The following ST3GAL4 variants were observed in gnomAD, a reference collection of about 807,000 sequenced individuals.
The protein encoded by ST3GAL4 is ST3 beta-galactoside alpha-2,3-sialyltransferase 4, also known as CMP-N-acetylneuraminate-beta-galactosamide-alpha-2,3-sialyltransferase 4.
Under a neutral mutation model 42.6 loss-of-function variants are expected in ST3GAL4, and 24 were observed. That is an observed-to-expected ratio of 0.56 (90% CI 0.41 to 0.79). The LOEUF is 0.79. ST3GAL4 is among the 30% of genes least tolerant of loss of function. ST3GAL4 has a pLI of 0.00. For missense variants in ST3GAL4, 311 were observed against 430.8 expected, an observed-to-expected ratio of 0.72 and a Z score of 2.46; for synonymous variants, 135 against 163.2, an observed-to-expected ratio of 0.83 and a Z score of 1.32.
rs2135436869 is a variant in ST3GAL4 at position 126,379,899 on chromosome 11, G to A, written c.-61+24057G>A. ...CTGACATTTTGCTACGGTGAGAATA[G>A]TAACTGAAACTGGTGTAGTGTCTTT... On this transcript the variant is annotated intron_variant, in intron 1 of 10. Transcript: ENST00000444328. The surrounding 1 kb of genome is among the most constrained non-coding windows in gnomAD (Gnocchi z 4.2). 6.6e-6 allele frequency among the ~76,000 whole-genome samples: 1 copy of A among 152,308 alleles called. No homozygotes were observed. Among genetic ancestry groups the A allele is most frequent in the Admixed American group, 6.5e-5 (1 of 15,296 alleles).
intron 1 of ST3GAL4, among the ~76,000 whole-genome samples, chr11:126,402,492 C>T (rs1954050655): frequency 6.6e-6 from 1 of 150,670 alleles, no homozygotes; most frequent in Non-Finnish European, 1.5e-5. Context: ...GAACTGAGGA[C>T]AGTAAGAGTA....
Position 126,373,816 on chromosome 11 carries a change from C to T in ST3GAL4, c.-61+17974C>T, listed in dbSNP as rs200464524. On this transcript the variant is annotated intron_variant, in intron 1 of 10. Transcript: ENST00000444328. The surrounding 1 kb of genome is among the most constrained non-coding windows in gnomAD (Gnocchi z 5.5). The stretch of plus-strand genomic sequence containing the variant: ...CTGCCAACTCTAATGAGCCAGGAAG[C>T]CTCCCCGTGCCCAGGCGTGCTGTGA... Among the ~76,000 whole-genome samples, 1 of 151,998 alleles carries T rather than the reference C, an allele frequency of 6.6e-6. No individual in the cohort carries two copies. Among genetic ancestry groups the T allele is most frequent in the East Asian group, 1.9e-4 (1 of 5,144 alleles).
intron 1 of ST3GAL4, among the ~76,000 whole-genome samples, chr11:126,357,849 A>G (rs376752523): frequency 2.0e-5 from 3 of 152,234 alleles, no homozygotes; most frequent in East Asian, 1.9e-4. Context: ...GGTTGTCCCA[A>G]TGGAATTGGG....
At position 126,411,512 on chromosome 11, in the gene ST3GAL4, A is replaced by G. The variant is rs1226832433; in HGVS notation, c.772-1993A>G. 6.6e-6 allele frequency among the ~76,000 whole-genome samples: 1 copy of G among 152,110 alleles called. No homozygotes were observed. Among genetic ancestry groups the G allele is most frequent in the Non-Finnish European group, 1.5e-5 (1 of 68,012 alleles). ...TAAAACAATACCCATGTACTGGCTC[A>G]TGGTCCTGTAGATCAGAACAGCAGG... is the stretch of plus-strand genomic sequence containing the variant. On this transcript the variant is annotated intron_variant, in intron 9 of 10. Coordinates refer to ENST00000444328, the MANE Select transcript of ST3GAL4 (RefSeq NM_001254757.2). The surrounding 1 kb of genome is among the most constrained non-coding windows in gnomAD (Gnocchi z 6.3).
chr11:126,395,436 G>A (rs1275192054), intron 1 of ST3GAL4, among the ~76,000 whole-genome samples: 1 of 152,168 alleles, frequency 6.6e-6, no homozygotes, highest in East Asian at 1.9e-4. Context: ...GACTGAGTGA[G>A]CATAAATCGC....
In ST3GAL4 at chr11:126,408,334, T is replaced by G; in HGVS notation, c.465T>G (p.Tyr155Ter). The change falls in exon 8 of 11, where the codon TAT becomes TAG. Residue 155 changes from tyrosine (Y) to a stop codon, truncating the protein, a stop_gained. Transcript: ENST00000444328. LOFTEE classifies it high-confidence loss of function. ...IRLNNAPVAG[Y>*]EGDVGSKTTM... ...TGAACAATGCCCCAGTGGCTGGCTA[T>G]GAGGGTGACGTGGGCTCCAAGACCA... The G allele has an allele frequency of 6.2e-7, 1 of 1,614,182 alleles. No homozygotes were observed. Among genetic ancestry groups the G allele is most frequent in the Non-Finnish European group, 8.5e-7 (1 of 1,180,026 alleles).
intron 1 of ST3GAL4, among the ~76,000 whole-genome samples, chr11:126,402,498 G>A (rs1298153785): frequency 6.6e-6 from 1 of 150,970 alleles, no homozygotes; most frequent in Non-Finnish European, 1.5e-5. Flanking sequence ...AGGACAGTAA[G>A]AGTAAGTGGT....
In ST3GAL4 at chr11:126,397,340, A is replaced by G. The variant is rs1009049394; in HGVS notation, c.-60-8756A>G. Among the ~76,000 whole-genome samples the G allele has an allele frequency of 8.5e-5, 13 of 152,136 alleles. No homozygotes were observed. The highest frequency in any genetic ancestry group is 2.7e-4 in the African/African-American group (11 of 41,368). On this transcript the variant is annotated intron_variant, in intron 1 of 10. Transcript: ENST00000444328. This position sits in a 1 kb window ranked among gnomAD's most constrained non-coding sequence, Gnocchi z 5.0. Reference sequence around the variant, plus strand: ...TACATTGTACCATAAAGCATATTCTATAGTACACTTAACTCTGGTGGGCTC... The same window carrying G: ...TACATTGTACCATAAAGCATATTCTGTAGTACACTTAACTCTGGTGGGCTC...
At position 126,393,732 on chromosome 11, in the gene ST3GAL4, AG is replaced by A. The variant is rs1953611692; in HGVS notation, c.-60-12363del. On this transcript the variant is annotated intron_variant, in intron 1 of 10. Transcript: ENST00000444328. The surrounding 1 kb of genome is among the most constrained non-coding windows in gnomAD (Gnocchi z 5.9). ...CTAGCAGGAATCCTGGAGATTTTCT[AG>A]CCCAACAGTGTCCGGTCAAAATAGA... 6.6e-6 allele frequency among the ~76,000 whole-genome samples: 1 copy of A among 152,222 alleles called. No individual in the cohort carries two copies. Among genetic ancestry groups the A allele is most frequent in the Non-Finnish European group, 1.5e-5 (1 of 68,044 alleles).
In ST3GAL4 at chr11:126,358,299, C is replaced by T. The variant is rs374259058; in HGVS notation, c.-61+2457C>T. The T allele has an allele frequency of 1.2e-4, 30 of 253,560 alleles. 1 individual carries two copies. In the East Asian group the frequency reaches 1.2e-3, roughly 10 times the overall value. The allele number at this position is 253,560 out of a possible 1,614,324, so 15.7% of individuals were successfully genotyped here. ...CCTCACGCTGGGATCCTCCTTCCTACTCAAGACCCACGACCTTGACCTGAA... is the reference window on the plus strand; with the variant it reads ...CCTCACGCTGGGATCCTCCTTCCTATTCAAGACCCACGACCTTGACCTGAA... On this transcript the variant is annotated intron_variant, in intron 1 of 10. Coordinates refer to ENST00000444328, the MANE Select transcript of ST3GAL4 (RefSeq NM_001254757.2).
chr11:126,364,264 T>A (rs199726996), intron 1 of ST3GAL4, among the ~76,000 whole-genome samples: 1 of 146,730 alleles, frequency 6.8e-6, no homozygotes, highest in East Asian at 2.0e-4. Flanking sequence ...GAGGAGGAGG[T>A]GGAGATGGGG....
intron 5 of ST3GAL4, 59 bp downstream of exon 5, chr11:126,407,408 T>C: frequency 6.3e-7 from 1 of 1,587,706 alleles, no homozygotes; most frequent in Non-Finnish European, 8.6e-7. Flanking sequence ...TTGCTTCCTA[T>C]TCTCTGCCGT....
At position 126,374,270 on chromosome 11, in the gene ST3GAL4, G is replaced by A. The variant is rs1454920995; in HGVS notation, c.-61+18428G>A. Reference sequence around the variant, plus strand: ...AGTTCGAGACCAGCCTGGACAACATGGGGAAACCCCGTTCCTACTAAAAAT... The same window carrying A: ...AGTTCGAGACCAGCCTGGACAACATAGGGAAACCCCGTTCCTACTAAAAAT... On this transcript the variant is annotated intron_variant, in intron 1 of 10. Coordinates refer to ENST00000444328, the MANE Select transcript of ST3GAL4 (RefSeq NM_001254757.2). Among the ~76,000 whole-genome samples the A allele has an allele frequency of 3.3e-5, 5 of 151,774 alleles. No individual in the cohort carries two copies. The East Asian group carries it at 7.8e-4, about 24-fold the overall frequency.
Position 126,414,199 on chromosome 11 carries a change from G to A in ST3GAL4, c.*152G>A, listed in dbSNP as rs991545488. On this transcript the variant is annotated 3_prime_UTR_variant, in exon 11 of 11. Transcript: ENST00000444328. Reference sequence around the variant, plus strand: ...TGGGCCTGGCCAGGTCTGAGATGAGGCCATGCCCCTGGCTGCTCTTATGGA... The same window carrying A: ...TGGGCCTGGCCAGGTCTGAGATGAGACCATGCCCCTGGCTGCTCTTATGGA... 13 of 723,246 alleles carry A rather than the reference G, an allele frequency of 1.8e-5. No individual in the cohort carries two copies. Among genetic ancestry groups the A allele is most frequent in the Admixed American group, 1.6e-4 (7 of 45,016 alleles). The allele number at this position is 723,246 out of a possible 1,614,324, so 44.8% of individuals were successfully genotyped here.
Position 126,383,073 on chromosome 11 carries a change from C to T in ST3GAL4, c.-60-23023C>T, listed in dbSNP as rs552679884. On this transcript the variant is annotated intron_variant, in intron 1 of 10. Transcript: ENST00000444328. The surrounding 1 kb of genome is among the most constrained non-coding windows in gnomAD (Gnocchi z 4.5). ...GTGTGGGTGCCAGGCCAGGGAGTGC[C>T]CTCCATGGGGCAGCAGGCTCTGCAG... Among the ~76,000 whole-genome samples the T allele has an allele frequency of 6.6e-6, 1 of 152,314 alleles. No individual in the cohort carries two copies. Among genetic ancestry groups the T allele is most frequent in the South Asian group, 2.1e-4 (1 of 4,824 alleles).
chr11:126,356,693 C>T (rs546093669), intron 1 of ST3GAL4, among the ~76,000 whole-genome samples: 1 of 152,322 alleles, frequency 6.6e-6, no homozygotes, highest in African/African-American at 2.4e-5. Context: ...CCAGCTGTGC[C>T]CTGTCTGACC....
rs1158901840 is a variant in ST3GAL4, at chr11:126,398,056, A to AC, written c.-60-8038dup. On this transcript the variant is annotated intron_variant, in intron 1 of 10. Coordinates refer to ENST00000444328, the MANE Select transcript of ST3GAL4 (RefSeq NM_001254757.2). This position sits in a 1 kb window ranked among gnomAD's most constrained non-coding sequence, Gnocchi z 4.7. ...CACATGTAGAATACATTTGCTTCTTACCTATAATCCCAAATTCTTATTTGT... is the reference window on the plus strand; with the variant it reads ...CACATGTAGAATACATTTGCTTCTTACCCTATAATCCCAAATTCTTATTTGT... 4.6e-5 allele frequency among the ~76,000 whole-genome samples: 7 copies of AC among 152,202 alleles called. No individual in the cohort carries two copies. The highest frequency in any genetic ancestry group is 1.7e-4 in the African/African-American group (7 of 41,440).
chr11:126,371,416 G>C (rs572506049), intron 1 of ST3GAL4, among the ~76,000 whole-genome samples: 1 of 152,052 alleles, frequency 6.6e-6, no homozygotes, highest in East Asian at 1.9e-4. Context: ...GCCCACCGTG[G>C]CCTCCCAAAG....
chr11:126,365,919 C>T (rs979761782), intron 1 of ST3GAL4, among the ~76,000 whole-genome samples: 1 of 152,160 alleles, frequency 6.6e-6, no homozygotes, highest in Non-Finnish European at 1.5e-5. Context: ...GCCAAATGGC[C>T]ACAGGCTGCC....
Sources: allele counts gnomAD v4.1 joint callset (sites outside exome capture counted in the v4.1 genomes callset), GRCh38; gene constraint gnomAD v4.1.1; non-coding constraint Gnocchi (gnomAD v3.1); transcripts MANE v1.5; gene names NCBI Gene and HGNC (gene_info 2026-07-23, HGNC 2026-07-21).